Variants in TMEM132D observed in about 807,000 individuals in gnomAD.
TMEM132D encodes the protein mature OL transmembrane protein.
A neutral mutation model predicts 62.3 loss-of-function variants in TMEM132D; 21 were observed. That is an observed-to-expected ratio of 0.34 (90% CI 0.24 to 0.49). TMEM132D has a LOEUF of 0.49. TMEM132D is among the 20% of genes least tolerant of loss of function. TMEM132D has a pLI of 0.99. For synonymous variants in TMEM132D, 621 were observed against 575.6 expected (o/e 1.08, Z -1.13); for missense variants, 1,346 against 1,402.8 (o/e 0.96, Z 0.65).
intron 4 of TMEM132D, among the ~76,000 whole-genome samples, chr12:129,235,996 ATTTAT>A (rs1879768599): frequency 6.6e-6 from 1 of 152,010 alleles, no homozygotes; most frequent in Admixed American, 6.6e-5. Flanking sequence ...ATATCTTTCT[ATTTAT>A]TTGCAGCATC....
At chr12:129,570,430 A>T (rs1460435707) in intron 2 of TMEM132D, among the ~76,000 whole-genome samples, 1 of 152,224 alleles carries the variant, frequency 6.6e-6, no homozygotes, top group Non-Finnish European at 1.5e-5. Context: ...TAAGAGGTGA[A>T]TCCAAGAATC....
intron 5 of TMEM132D, among the ~76,000 whole-genome samples, chr12:129,095,157 A>C (rs1005438003): frequency 6.6e-6 from 1 of 152,058 alleles, no homozygotes; most frequent in African/African-American, 2.4e-5. Flanking sequence ...TGTTGTGCAC[A>C]TGTACCCTAA....
intron 4 of TMEM132D, among the ~76,000 whole-genome samples, chr12:129,313,321 T>C (rs927575463): frequency 1.3e-5 from 2 of 152,174 alleles, no homozygotes; most frequent in Non-Finnish European, 2.9e-5. Flanking sequence ...CTTGCCGTCC[T>C]CCTACTCTTC....
chr12:129,800,987 C>T (rs1188515801), intron 1 of TMEM132D, among the ~76,000 whole-genome samples: 9 of 152,172 alleles, frequency 5.9e-5, no homozygotes, highest in East Asian at 1.9e-4. Flanking sequence ...CACTCCCACC[C>T]GAATACTGCG....
intron 3 of TMEM132D, among the ~76,000 whole-genome samples, chr12:129,476,851 TTA>T (rs1285454259): frequency 2.0e-5 from 3 of 152,152 alleles, no homozygotes; most frequent in Non-Finnish European, 4.4e-5. Context: ...TTAACTCAGA[TTA>T]TTTCTTATAA....
At chr12:129,309,947 G>A (rs548826264) in intron 4 of TMEM132D, among the ~76,000 whole-genome samples, 22 of 152,194 alleles carry the variant, frequency 1.4e-4, no homozygotes, top group South Asian at 6.2e-4. Flanking sequence ...GGAAGGGCCC[G>A]GTGTGGAAAA....
intron 1 of TMEM132D, among the ~76,000 whole-genome samples, chr12:129,835,376 G>C (rs538360488): frequency 6.6e-6 from 1 of 151,894 alleles, no homozygotes; most frequent in African/African-American, 2.4e-5. Context: ...CTGAAGCTTC[G>C]ACCTCCTAGG....
chr12:129,248,524 GAT>G (rs1880182415), intron 4 of TMEM132D, among the ~76,000 whole-genome samples: 1 of 75,716 alleles, frequency 1.3e-5, no homozygotes, highest in Admixed American at 1.3e-4. Flanking sequence ...AACAGGGGCT[GAT>G]TTTTTTTTTT....
intron 1 of TMEM132D, among the ~76,000 whole-genome samples, chr12:129,786,719 G>A (rs1414910575): frequency 2.0e-5 from 3 of 152,052 alleles, no homozygotes; most frequent in Non-Finnish European, 4.4e-5. Context: ...GGTGAAACCC[G>A]GTCTCTACTA....
intron 5 of TMEM132D, among the ~76,000 whole-genome samples, chr12:129,182,592 G>C (rs1395818507): frequency 6.6e-6 from 1 of 152,202 alleles, no homozygotes; most frequent in African/African-American, 2.4e-5. Context: ...TTTCTGTGAA[G>C]GCCCTGGACT....
At chr12:129,728,861 G>A (rs1030370749) in intron 1 of TMEM132D, among the ~76,000 whole-genome samples, 2 of 152,088 alleles carry the variant, frequency 1.3e-5, no homozygotes, top group African/African-American at 4.8e-5. Context: ...ATGTCTTCAT[G>A]TACTCCTTTT....
At chr12:129,377,523 C>A (rs1449057329) in intron 3 of TMEM132D, among the ~76,000 whole-genome samples, 3 of 152,114 alleles carry the variant, frequency 2.0e-5, no homozygotes, top group Non-Finnish European at 4.4e-5. Context: ...AAACAAACAG[C>A]AGAATAAAAT....
chr12:129,730,628 G>A (rs141428456), intron 1 of TMEM132D, among the ~76,000 whole-genome samples: 77 of 152,004 alleles, frequency 5.1e-4, no homozygotes, highest in African/African-American at 1.7e-3. Context: ...GGGTGTGTCC[G>A]TGAGGGTGTT....
At position 129,088,530 on chromosome 12, in the gene TMEM132D, T is replaced by C. The variant is rs376055879; in HGVS notation, c.1444-3828A>G. On this transcript the variant is annotated intron_variant, in intron 5 of 8. Transcript: ENST00000422113. Reference sequence around the variant, plus strand: ...ATGTCCTCCATGACCGGGTGTCCTCTATGACCGGGTGTCCTCCCTGACCGG... The same window carrying C: ...ATGTCCTCCATGACCGGGTGTCCTCCATGACCGGGTGTCCTCCCTGACCGG... Among the ~76,000 whole-genome samples, 49 of 18,400 alleles carry C rather than the reference T, an allele frequency of 2.7e-3. 9 individuals carry two copies. The highest frequency in any genetic ancestry group is 0.013 in the Admixed American group (19 of 1,448). The allele number at this position is 18,400 out of a possible 152,430, so 12.1% of individuals were successfully genotyped here. A position where few individuals can be genotyped will look rare whatever the true frequency, so the allele number is the denominator to read the frequency against.
intron 3 of TMEM132D, among the ~76,000 whole-genome samples, chr12:129,452,064 C>G (rs181161058): frequency 3.9e-5 from 6 of 152,322 alleles, no homozygotes; most frequent in Admixed American, 3.9e-4. Flanking sequence ...AATGCTATTT[C>G]TAAGCCTTGG....
chr12:129,100,049 C>G (rs879313518), intron 5 of TMEM132D, among the ~76,000 whole-genome samples: 1 of 140,306 alleles, frequency 7.1e-6, no homozygotes, highest in Admixed American at 7.1e-5. Context: ...ATTTTATTAT[C>G]TTTTTTTTTG....
chr12:129,800,488 A>G (rs955315614), intron 1 of TMEM132D, among the ~76,000 whole-genome samples: 1 of 152,072 alleles, frequency 6.6e-6, no homozygotes, highest in African/African-American at 2.4e-5. Flanking sequence ...GGAGCTATGC[A>G]GTTATAAATC....
chr12:129,134,166 CTGTG>C (rs150672060), intron 5 of TMEM132D, among the ~76,000 whole-genome samples: 206 of 137,974 alleles, frequency 1.5e-3, no homozygotes, highest in African/African-American at 4.9e-3. Flanking sequence ...GTGTGTGTGT[CTGTG>C]TGTGTGTGTC....
intron 2 of TMEM132D, among the ~76,000 whole-genome samples, chr12:129,657,624 T>A (rs1880124728): frequency 6.6e-6 from 1 of 152,164 alleles, no homozygotes; most frequent in South Asian, 2.1e-4. Context: ...TTTATAAAAA[T>A]GTACGGGTAA....
Sources: allele counts gnomAD v4.1 joint callset (sites outside exome capture counted in the v4.1 genomes callset), GRCh38; gene constraint gnomAD v4.1.1; transcripts MANE v1.5; gene names NCBI Gene and HGNC (gene_info 2026-07-23, HGNC 2026-07-21).